Variants in PCTP observed in about 807,000 individuals in gnomAD.
The protein encoded by PCTP is phosphatidylcholine transfer protein.
A neutral mutation model predicts 31.0 loss-of-function variants in PCTP; 27 were observed. That is an observed-to-expected ratio of 0.87 (90% CI 0.64 to 1.20). The LOEUF is 1.20. Ranked by LOEUF, PCTP falls within the 50% of genes most tolerant of loss-of-function variation. The pLI is 0.00. For synonymous variants in PCTP, 108 were observed against 101.2 expected, an observed-to-expected ratio of 1.07 and a Z score of -0.40; for missense variants, 287 against 268.2, an observed-to-expected ratio of 1.07 and a Z score of -0.49.
rs373224569 is a variant in PCTP, at chr17:55,828,166, G to A, written n.505+5239G>A. Among the ~76,000 whole-genome samples the A allele has an allele frequency of 3.0e-4, 46 of 152,316 alleles. 1 individual carries two copies. The South Asian group carries it at 8.5e-3, about 28-fold the overall frequency. ...AGCTGTAAGTTTCCTACGTGAGAAA[G>A]GAATAGGTAATTGGATTGGAACATT... On this transcript the variant is annotated intron_variant and non_coding_transcript_variant, in intron 5 of 5. Coordinates refer to the PCTP transcript ENST00000576221.
chr17:55,847,095 C>G (rs1456108427), downstream of PCTP, among the ~76,000 whole-genome samples: 4 of 152,192 alleles, frequency 2.6e-5, no homozygotes, highest in Non-Finnish European at 4.4e-5. Flanking sequence ...AAATAGGCCT[C>G]CCTAGATTTT....
At chr17:55,820,484 A>T (rs558318989) in intron 3 of PCTP, among the ~76,000 whole-genome samples, 1 of 152,248 alleles carries the variant, frequency 6.6e-6, no homozygotes, top group Admixed American at 6.5e-5. Flanking sequence ...GGCCAAGGGG[A>T]TGAATAGCTC....
At chr17:55,821,197 T>C (rs1473265026) in intron 3 of PCTP, among the ~76,000 whole-genome samples, 1 of 152,134 alleles carries the variant, frequency 6.6e-6, no homozygotes, top group Non-Finnish European at 1.5e-5. Context: ...TACAATGAAA[T>C]ATTATTTGGC....
chr17:55,753,821 T>G (rs1210452726), intron 1 of PCTP, among the ~76,000 whole-genome samples: 1 of 152,146 alleles, frequency 6.6e-6, no homozygotes, highest in African/African-American at 2.4e-5. Flanking sequence ...GGCTAAGAAG[T>G]GGTGAATAAA....
chr17:55,793,705 G>A lies in PCTP; in HGVS notation c.317+6051G>A, dbSNP rs886266761. ...CTCTATTGAATAAATTAATAAAGGC[G>A]GTAGTCGCTGCTCTCATTAAAGAAA... On this transcript the variant is annotated intron_variant, in intron 3 of 3. Coordinates refer to the PCTP transcript ENST00000572536. 3.3e-5 allele frequency among the ~76,000 whole-genome samples: 5 copies of A among 151,992 alleles called. No individual in the cohort carries two copies. In the South Asian group the frequency reaches 8.3e-4, roughly 25 times the overall value.
At chr17:55,764,473 G>A (rs1910528773) in intron 1 of PCTP, among the ~76,000 whole-genome samples, 1 of 152,142 alleles carries the variant, frequency 6.6e-6, no homozygotes, top group Non-Finnish European at 1.5e-5. Context: ...CCTTCTACTG[G>A]GGCATCCATG....
chr17:55,839,398 T>A (rs1189127077), intron 5 of PCTP, among the ~76,000 whole-genome samples: 1 of 152,212 alleles, frequency 6.6e-6, no homozygotes, highest in Non-Finnish European at 1.5e-5. Flanking sequence ...GCCCACCAAC[T>A]AGTTCCACGT....
At position 55,773,960 on chromosome 17, in the gene PCTP, G is replaced by A. The variant is rs984120907; in HGVS notation, c.511+65G>A. On this transcript the variant is annotated intron_variant, in intron 4 of 5. Coordinates refer to ENST00000268896, the MANE Select transcript of PCTP (RefSeq NM_021213.4). The stretch of plus-strand genomic sequence containing the variant: ...TCCCCCACGGGAGGGCCAGGCTGAT[G>A]GGGGGACATGTCGAGTACATGAAGC... The A allele has an allele frequency of 6.7e-6, 10 of 1,482,892 alleles. No individual in the cohort carries two copies. The East Asian group carries it at 1.5e-4, about 22-fold the overall frequency. The allele number at this position is 1,482,892 out of a possible 1,614,324, so 91.9% of individuals were successfully genotyped here. A position where few individuals can be genotyped will look rare whatever the true frequency, so the allele number is the denominator to read the frequency against.
intron 1 of PCTP, among the ~76,000 whole-genome samples, chr17:55,757,272 A>G (rs550797192): frequency 6.0e-5 from 9 of 151,220 alleles, no homozygotes; most frequent in South Asian, 2.1e-4. Flanking sequence ...GTGTATATAC[A>G]CAAGCATGTG....
chr17:55,827,048 A>C (rs1279359919), downstream of PCTP, among the ~76,000 whole-genome samples: 1 of 152,018 alleles, frequency 6.6e-6, no homozygotes, highest in Non-Finnish European at 1.5e-5. Flanking sequence ...CAAAAAAAAA[A>C]AAAAAATGGC....
In PCTP at chr17:55,812,027, G is replaced by A. The variant is rs190485154; in HGVS notation, c.318-10734G>A. ...TGAATCTTCCTGGTAGCGCTCTGAG[G>A]TGGGTGTTGTGATCTGTATTTTACA... On this transcript the variant is annotated intron_variant, in intron 3 of 3. Coordinates refer to the PCTP transcript ENST00000572536. Among the ~76,000 whole-genome samples, 316 of 152,260 alleles carry A rather than the reference G, an allele frequency of 2.1e-3. 1 individual carries two copies. Among genetic ancestry groups the A allele is most frequent in the African/African-American group, 7.3e-3 (305 of 41,546 alleles).
At chr17:55,849,832 A>G in the PCTP span, among the ~76,000 whole-genome samples, 1 of 152,160 alleles carries the variant, frequency 6.6e-6, no homozygotes, top group African/African-American at 2.4e-5. Flanking sequence ...AATTTTAGCA[A>G]ATTGAATTCA....
intron 1 of PCTP, among the ~76,000 whole-genome samples, chr17:55,759,043 G>A (rs1351621401): frequency 6.6e-6 from 1 of 152,162 alleles, no homozygotes; most frequent in Admixed American, 6.5e-5. Context: ...TGTAGGGAAG[G>A]GTATAGGCAT....
chr17:55,811,264 C>A (rs9910840), intron 3 of PCTP, among the ~76,000 whole-genome samples: 7,247 of 152,204 alleles, frequency 0.048, 549 homozygotes, highest in African/African-American at 0.16. Flanking sequence ...TGATGCCTTT[C>A]GAAAATCCTA....
At chr17:55,827,850 C>G (rs934646408), downstream of PCTP, among the ~76,000 whole-genome samples, 1 of 150,202 alleles carries the variant, frequency 6.7e-6, no homozygotes, top group African/African-American at 2.5e-5. Flanking sequence ...GAGAGAGGAC[C>G]TGCAGGAATT....
intron 2 of PCTP, 115 bp from the exon 3 acceptor site, chr17:55,770,991 A>G: frequency 1.3e-6 from 1 of 755,404 alleles, no homozygotes; most frequent in Non-Finnish European, 2.3e-6. Context: ...CCTTGGCCTC[A>G]AAAAGTGCTG....
intron 2 of PCTP, among the ~76,000 whole-genome samples, chr17:55,783,882 G>A (rs1911653081): frequency 6.6e-6 from 1 of 152,176 alleles, no homozygotes; most frequent in Admixed American, 6.5e-5. Flanking sequence ...GAGAGCGCCT[G>A]CCAGGGAGGC....
Position 55,775,270 on chromosome 17 carries a change from T to C in PCTP, c.579+411T>C, listed in dbSNP as rs1911265755. ...CAAGCCTGAGGAAAGCTTCCACTTT[T>C]GTTGTTGTTGCCCTTTTTTTTTTTT... On this transcript the variant is annotated intron_variant, in intron 5 of 5. Coordinates refer to ENST00000268896, the MANE Select transcript of PCTP (RefSeq NM_021213.4). The C allele has an allele frequency of 5.7e-6, 7 of 1,235,356 alleles. No homozygotes were observed. In the Admixed American group the frequency reaches 2.5e-4, roughly 44 times the overall value. The allele number at this position is 1,235,356 out of a possible 1,614,324, so 76.5% of individuals were successfully genotyped here. A position where few individuals can be genotyped will look rare whatever the true frequency, so the allele number is the denominator to read the frequency against.
At chr17:55,840,700 G>T (rs1394893023) in intron 5 of PCTP, among the ~76,000 whole-genome samples, 1 of 152,142 alleles carries the variant, frequency 6.6e-6, no homozygotes, top group East Asian at 1.9e-4. Context: ...TTCTTACTGT[G>T]CCTAATTTAT....
Sources: allele counts gnomAD v4.1 joint callset (sites outside exome capture counted in the v4.1 genomes callset), GRCh38; gene constraint gnomAD v4.1.1; transcripts MANE v1.5; gene names NCBI Gene and HGNC (gene_info 2026-07-23, HGNC 2026-07-21).